Variants in MCM6 observed in about 807,000 individuals in gnomAD.
MCM6 encodes minichromosome maintenance complex component 6, also known as DNA replication licensing factor MCM6.
Under a neutral mutation model 94.3 loss-of-function variants are expected in MCM6, and 46 were observed. The ratio of observed to expected loss-of-function variants is 0.49; its 90% confidence interval spans 0.39 to 0.62. The LOEUF (loss-of-function observed/expected upper bound fraction) is 0.62, where lower values mean the gene tolerates loss of function less well. MCM6 is among the 20% of genes least tolerant of loss of function. MCM6 has a pLI of 0.00. For missense variants in MCM6, 865 were observed against 1,017.9 expected, an observed-to-expected ratio of 0.85 and a Z score of 2.04; for synonymous variants, 335 against 351.9, an observed-to-expected ratio of 0.95 and a Z score of 0.54.
intron 4 of MCM6, among the ~76,000 whole-genome samples, chr2:135,866,935 C>G (rs1031010726): frequency 2.6e-5 from 4 of 151,842 alleles, no homozygotes; most frequent in Non-Finnish European, 4.4e-5. Flanking sequence ...GAGATTACAT[C>G]TATTTAAAAA....
At chr2:135,851,316 A>C (rs146718142) in intron 13 of MCM6, 86 bp downstream of exon 13, 1 of 1,038,116 alleles carries the variant, frequency 9.6e-7, no homozygotes, top group East Asian at 2.5e-5. Context: ...TTTGCAGTGA[A>C]TTCTAGTATG....
At chr2:135,858,123 ATT>A in intron 9 of MCM6, 119 bp from the exon 10 acceptor site, 1 of 847,132 alleles carries the variant, frequency 1.2e-6, no homozygotes, top group Non-Finnish European at 2.0e-6. Flanking sequence ...AAGGCCGGGC[ATT>A]TGAGGTTACA....
chr2:135,863,921 G>A (rs989366225), intron 7 of MCM6, among the ~76,000 whole-genome samples: 4 of 152,118 alleles, frequency 2.6e-5, no homozygotes, highest in African/African-American at 9.7e-5. Flanking sequence ...GACCAGCCTG[G>A]CCAACATGGC....
At chr2:135,863,806 C>T (rs1323128495) in intron 7 of MCM6, among the ~76,000 whole-genome samples, 2 of 150,426 alleles carry the variant, frequency 1.3e-5, no homozygotes, top group Non-Finnish European at 2.9e-5. Context: ...ACTTCTCTGA[C>T]TTATATTTAG....
intron 7 of MCM6, 54 bp from the exon 8 acceptor site, chr2:135,862,802 A>T (rs1461198807): frequency 6.3e-7 from 1 of 1,588,992 alleles, no homozygotes; most frequent in African/African-American, 1.3e-5. Context: ...ATGAAGTTAA[A>T]CACTTTCAGA....
chr2:135,854,543 AAAAAAAAAGAG>A (rs1488667248), intron 11 of MCM6, among the ~76,000 whole-genome samples: 1 of 91,684 alleles, frequency 1.1e-5, no homozygotes, highest in African/African-American at 4.1e-5. Flanking sequence ...AAAAAAAAAA[AAAAAAAAAGAG>A]AAAAAGAAAA....
chr2:135,862,773 GA>G (rs1408527571), intron 7 of MCM6, 25 bp from the exon 8 acceptor site: 1 of 1,608,498 alleles, frequency 6.2e-7, no homozygotes, highest in South Asian at 1.1e-5. Context: ...AGCTACAGAT[GA>G]AAAACTAATT....
intron 8 of MCM6, among the ~76,000 whole-genome samples, chr2:135,860,688 G>T (rs1436824871): frequency 6.6e-6 from 1 of 152,122 alleles, no homozygotes; most frequent in East Asian, 1.9e-4. Flanking sequence ...AACAAACCAG[G>T]AATAGAGGAG....
Position 135,866,607 on chromosome 2 carries a change from C to A in MCM6, c.737G>T (p.Gly246Val). 6.2e-7 allele frequency: 1 copy of A among 1,613,988 alleles called. No individual in the cohort carries two copies. The highest frequency in any genetic ancestry group is 8.5e-7 in the Non-Finnish European group (1 of 1,179,988). Residue 246 changes from glycine to valine, a missense_variant, in exon 5 of 17, where the codon GGG becomes GTG. This residue lies in a region of MCM6 where 404 missense variants were observed against 451.9 expected (regional missense o/e 0.89). Transcript: ENST00000264156. ...AQAGDKCDFTGTLIVVPDVSK... is the reference protein window; with the variant it reads ...AQAGDKCDFTVTLIVVPDVSK... ...GACGTCAGGCACAACAATCAGTGTC[C>A]CTGTAAAGTCACACTTGTCACCAGC...
chr2:135,854,032 G>A (rs1679825642), intron 11 of MCM6, among the ~76,000 whole-genome samples: 2 of 152,304 alleles, frequency 1.3e-5, no homozygotes, highest in South Asian at 2.1e-4. Context: ...TTCAAGACCA[G>A]TCCAGGCAAC....
rs755370513 is a variant in MCM6 at position 135,866,232 on chromosome 2, T to C, written c.827A>G (p.Tyr276Cys). ...TNSRVSGVDG[Y>C]ETEGIRGLRA... ...GAGTCCTCGAATGCCTTCTGTCTCA[T>C]ATCCATCAACACCACTGACACGGGA... The change falls in exon 6 of 17, where the codon TAT becomes TGT. Residue 276 changes from tyrosine to cysteine, a missense_variant. Tyr to Cys is a radical substitution (Grantham distance 194). Transcript: ENST00000264156. 1 of 1,614,202 alleles carries C rather than the reference T, an allele frequency of 6.2e-7. No individual in the cohort carries two copies. Among genetic ancestry groups the C allele is most frequent in the East Asian group, 2.2e-5 (1 of 44,886 alleles).
At chr2:135,873,147 AAG>A (rs1680234836) in intron 1 of MCM6, among the ~76,000 whole-genome samples, 1 of 152,178 alleles carries the variant, frequency 6.6e-6, no homozygotes, top group South Asian at 2.1e-4. Context: ...TGGTTTTAAA[AAG>A]AGGAGTTCCT....
intron 2 of MCM6, among the ~76,000 whole-genome samples, chr2:135,871,192 AGTTT>A (rs1475219291): frequency 2.0e-5 from 3 of 152,174 alleles, no homozygotes; most frequent in African/African-American, 4.8e-5. Context: ...ACTCCAGCTT[AGTTT>A]GTTTAAGAAG....
chr2:135,865,991 A>AC, intron 6 of MCM6, 141 bp downstream of exon 6: 1 of 957,642 alleles, frequency 1.0e-6, no homozygotes, highest in Non-Finnish European at 1.5e-6. Flanking sequence ...AATCCCAGCT[A>AC]CTCAGGAGGT....
At chr2:135,850,654 G>C (rs1679764508) in intron 13 of MCM6, among the ~76,000 whole-genome samples, 1 of 152,200 alleles carries the variant, frequency 6.6e-6, no homozygotes, top group African/African-American at 2.4e-5. Context: ...ATTGAAGTCG[G>C]AACAGTGGTT....
Position 135,870,224 on chromosome 2 carries a change from C to G in MCM6, c.365+27G>C, listed in dbSNP as rs749596948. 8.4e-5 allele frequency: 132 copies of G among 1,563,980 alleles called. No homozygotes were observed. The East Asian group carries it at 2.5e-3, about 30-fold the overall frequency. On this transcript the variant is annotated intron_variant, in intron 3 of 16. Coordinates refer to ENST00000264156, the MANE Select transcript of MCM6 (RefSeq NM_005915.6). The stretch of plus-strand genomic sequence containing the variant: ...GGTACTTATACCATTTGGTGAATTC[C>G]TTTTTTTCCAGAGAAGGGTTTCTTA...
intron 16 of MCM6, among the ~76,000 whole-genome samples, chr2:135,841,878 G>A (rs1460088040): frequency 1.3e-5 from 2 of 152,174 alleles, no homozygotes; most frequent in African/African-American, 2.4e-5. Context: ...GCTGAGGTGG[G>A]TGGATCACCT....
intron 7 of MCM6, among the ~76,000 whole-genome samples, chr2:135,864,546 A>G (rs1042007245): frequency 6.6e-6 from 1 of 152,226 alleles, no homozygotes; most frequent in African/African-American, 2.4e-5. Flanking sequence ...GCATATGGAA[A>G]CACACTTAAG....
At chr2:135,856,139 A>C (rs891846425) in intron 11 of MCM6, among the ~76,000 whole-genome samples, 13 of 152,160 alleles carry the variant, frequency 8.5e-5, no homozygotes, top group Admixed American at 8.5e-4. Flanking sequence ...ATTGTATAAA[A>C]ATCTTAAGAG....
Sources: gnomAD v4.1 joint callset for allele counts (sites outside exome capture counted in the v4.1 genomes callset) on GRCh38, gnomAD v4.1.1 for gene constraint, gnomAD v4.1.1 regional missense constraint, MANE v1.5 for transcripts, NCBI Gene and HGNC (gene_info 2026-07-23, HGNC 2026-07-21) for gene names.